KDM6A: variants seen among roughly 807,000 people sequenced by gnomAD.
KDM6A encodes the protein lysine-specific demethylase 6A.
KDM6A carries 11 observed loss-of-function variants against 117.6 expected under a neutral mutation model. That is an observed-to-expected ratio of 0.09 (90% CI 0.06 to 0.15). The LOEUF (loss-of-function observed/expected upper bound fraction) is 0.15. Ranked by LOEUF, KDM6A falls within the 10% of genes least tolerant of loss-of-function variation. The pLI is 1.00. For missense variants in KDM6A, 799 were observed against 1,077.3 expected, an observed-to-expected ratio of 0.74 and a Z score of 3.62; for synonymous variants, 384 against 396.1, an observed-to-expected ratio of 0.97 and a Z score of 0.36.
At chrX:45,027,180 TA>T (rs2042403710) in intron 6 of KDM6A, among the ~76,000 whole-genome samples, 1 of 107,906 alleles carries the variant, frequency 9.3e-6, no homozygotes, top group African/African-American at 3.4e-5. Context: ...AGTCTGAAGA[TA>T]ATGAAAGTTT....
intron 17 of KDM6A, among the ~76,000 whole-genome samples, chrX:45,066,499 A>AG (rs2044542451): frequency 8.9e-6 from 1 of 111,837 alleles, no homozygotes; most frequent in Non-Finnish European, 1.9e-5. Context: ...CAAAGGAGAA[A>AG]GGGGAATTGT....
At chrX:44,971,376 T>C (rs1008822321) in intron 3 of KDM6A, among the ~76,000 whole-genome samples, 68 of 111,970 alleles carry the variant, frequency 6.1e-4, no homozygotes, top group Admixed American at 1.0e-3. Context: ...GTAAAAGTTA[T>C]TTTTTCAGAT....
chrX:44,917,413 G>A (rs1331004439), intron 2 of KDM6A, among the ~76,000 whole-genome samples: 1 of 111,827 alleles, frequency 8.9e-6, no homozygotes, highest in East Asian at 2.8e-4. Context: ...CCTTGAGAGA[G>A]CATGAATCTT....
chrX:44,938,974 C>A (rs773777068), intron 2 of KDM6A, among the ~76,000 whole-genome samples: 7 of 112,360 alleles, frequency 6.2e-5, no homozygotes, highest in Non-Finnish European at 1.1e-4. Context: ...CAGAAAATTT[C>A]TTTTCAAAAT....
At chrX:44,957,755 T>G (rs1414582356) in intron 2 of KDM6A, among the ~76,000 whole-genome samples, 2 of 111,816 alleles carry the variant, frequency 1.8e-5, no homozygotes, top group African/African-American at 6.5e-5. Context: ...AGGGTATTGC[T>G]TTTATCCTCC....
At chrX:45,048,290 C>T in intron 8 of KDM6A, among the ~76,000 whole-genome samples, 1 of 109,720 alleles carries the variant, frequency 9.1e-6, no homozygotes, top group East Asian at 2.9e-4. Flanking sequence ...AATTTTTATC[C>T]TGCATATCAT....
intron 2 of KDM6A, among the ~76,000 whole-genome samples, chrX:44,889,395 T>G (rs1435768776): frequency 8.9e-6 from 1 of 112,367 alleles, no homozygotes; most frequent in Non-Finnish European, 1.9e-5. Context: ...ATCTATCAGT[T>G]AAAAAGATAG....
At chrX:45,060,220 G>A (rs1295799769) in intron 13 of KDM6A, 64 bp downstream of exon 13, 3 of 1,197,962 alleles carry the variant, frequency 2.5e-6, no homozygotes, top group Non-Finnish European at 3.4e-6. Context: ...TTCTCTAGTG[G>A]TCAAGCTTAA....
At chrX:44,933,342 A>G (rs1342981713) in intron 2 of KDM6A, among the ~76,000 whole-genome samples, 5 of 88,902 alleles carry the variant, frequency 5.6e-5, no homozygotes, top group Non-Finnish European at 8.2e-5. Context: ...ATCTCGGCTC[A>G]CTGCAACCTC....
intron 4 of KDM6A, among the ~76,000 whole-genome samples, chrX:44,996,021 A>C (rs1220431059): frequency 8.9e-6 from 1 of 111,819 alleles, no homozygotes; most frequent in Non-Finnish European, 1.9e-5. Flanking sequence ...CATTGAGATC[A>C]GCTAACTTGT....
chrX:45,089,693 G>A (rs2148190765), intron 25 of KDM6A, 50 bp from the exon 26 acceptor site: 1 of 908,580 alleles, frequency 1.1e-6, no homozygotes, highest in Non-Finnish European at 1.6e-6. Flanking sequence ...GTCTTACTAG[G>A]AGCTTCTTAA....
At chrX:44,965,446 G>C (rs1280252124) in intron 3 of KDM6A, among the ~76,000 whole-genome samples, 1 of 112,099 alleles carries the variant, frequency 8.9e-6, no homozygotes, top group South Asian at 3.7e-4. Flanking sequence ...TGGATTTAAA[G>C]TGAGAGATGC....
chrX:45,082,835 T>C (rs1203075145), intron 23 of KDM6A, 46 bp downstream of exon 23: 3 of 828,509 alleles, frequency 3.6e-6, no homozygotes, highest in Admixed American at 4.5e-5. Flanking sequence ...CAAAGAGTTA[T>C]CCTGTGCTAG....
intron 2 of KDM6A, among the ~76,000 whole-genome samples, chrX:44,876,736 T>C (rs1374946639): frequency 2.8e-5 from 3 of 108,353 alleles, no homozygotes; most frequent in Non-Finnish European, 3.8e-5. Context: ...ATGTATATTA[T>C]TGGATTTTCT....
intron 19 of KDM6A, 134 bp downstream of exon 19, chrX:45,076,960 G>T (rs777173998): frequency 1.3e-5 from 7 of 541,714 alleles, no homozygotes; most frequent in Non-Finnish European, 2.1e-5. Flanking sequence ...GTTTGGGGGC[G>T]GGGGGGAAGA....
At chrX:44,974,363 C>T (rs1602406895) in intron 3 of KDM6A, among the ~76,000 whole-genome samples, 4 of 111,374 alleles carry the variant, frequency 3.6e-5, no homozygotes, top group Non-Finnish European at 5.7e-5. Context: ...ATGTTTTCAT[C>T]TAGTAGTCTT....
At chrX:44,989,265 G>A (rs2040437104) in intron 4 of KDM6A, among the ~76,000 whole-genome samples, 1 of 101,481 alleles carries the variant, frequency 9.9e-6, no homozygotes, top group Non-Finnish European at 2.0e-5. Context: ...GCAGTATTAG[G>A]GTGGGAGTGA....
At chrX:44,958,052 T>G (rs1482225932) in intron 2 of KDM6A, among the ~76,000 whole-genome samples, 1 of 112,101 alleles carries the variant, frequency 8.9e-6, no homozygotes, top group South Asian at 3.7e-4. Flanking sequence ...AGGGTATTTG[T>G]ATCATTGCAG....
chrX:45,056,196 A>G (rs2147939495), intron 10 of KDM6A, among the ~76,000 whole-genome samples: 1 of 111,854 alleles, frequency 8.9e-6, no homozygotes, highest in African/African-American at 3.2e-5. Flanking sequence ...TTCCATCTGT[A>G]ATAATAAAAT....
Sources: allele counts gnomAD v4.1 joint callset (sites outside exome capture counted in the v4.1 genomes callset), GRCh38; gene constraint gnomAD v4.1.1; transcripts MANE v1.5; gene names NCBI Gene and HGNC (gene_info 2026-07-23, HGNC 2026-07-21).